DPP6: variants seen among roughly 807,000 people sequenced by gnomAD.
DPP6 encodes the protein dipeptidyl peptidase like 6, also known as A-type potassium channel modulatory protein DPP6.
A neutral mutation model predicts 122.6 loss-of-function variants in DPP6; 69 were observed. That is an observed-to-expected ratio of 0.56 (90% CI 0.46 to 0.69). The LOEUF (loss-of-function observed/expected upper bound fraction) is 0.69. Among genes scored for constraint, DPP6 ranks in the 30% least tolerant of loss-of-function variants. The probability of loss-of-function intolerance (pLI) is 0.00; values close to 1 mark genes in which losing one functional copy is unlikely to be tolerated. For missense variants in DPP6, 928 were observed against 1,116.9 expected (o/e 0.83, Z 2.41); for synonymous variants, 418 against 433.1 (o/e 0.97, Z 0.43).
chr7:154,599,399 G>A (rs1833288769), intron 5 of DPP6, among the ~76,000 whole-genome samples: 1 of 152,128 alleles, frequency 6.6e-6, no homozygotes, highest in Non-Finnish European at 1.5e-5. Context: ...TTTATATGGA[G>A]AAAACGTGGC....
the DPP6 span, among the ~76,000 whole-genome samples, chr7:153,840,430 T>G: frequency 2.6e-5 from 4 of 152,152 alleles, no homozygotes. Flanking sequence ...AATTTGATTT[T>G]GGTACTTGTA....
intron 3 of DPP6, among the ~76,000 whole-genome samples, chr7:154,512,915 TAGAC>T (rs936297618): frequency 1.3e-5 from 2 of 152,216 alleles, no homozygotes. Context: ...GACCATAGAC[TAGAC>T]GATGGCTTTC....
chr7:154,593,425 AC>A (rs1465189228), intron 5 of DPP6, among the ~76,000 whole-genome samples: 1 of 152,228 alleles, frequency 6.6e-6, no homozygotes, highest in Non-Finnish European at 1.5e-5. Flanking sequence ...ATGGGATTTT[AC>A]CTTAAGAGTT....
chr7:153,818,624 G>C, the DPP6 span, among the ~76,000 whole-genome samples: 1 of 151,840 alleles, frequency 6.6e-6, no homozygotes, highest in Admixed American at 6.6e-5. Context: ...TATCTAGCCA[G>C]ATGTAGGTTA....
chr7:154,268,979 C>T (rs1364771156), intron 1 of DPP6, among the ~76,000 whole-genome samples: 1 of 67,258 alleles, frequency 1.5e-5, no homozygotes, highest in Non-Finnish European at 3.3e-5. Context: ...ATTGGTCAGC[C>T]TGGGGGTGAA....
At chr7:154,873,112 C>T (rs905326902) in intron 19 of DPP6, among the ~76,000 whole-genome samples, 4 of 152,218 alleles carry the variant, frequency 2.6e-5, no homozygotes, top group African/African-American at 9.6e-5. Context: ...CGTGAATGCC[C>T]TTTTTTCACC....
intron 1 of DPP6, among the ~76,000 whole-genome samples, chr7:154,257,962 C>T (rs1165615580): frequency 6.6e-6 from 1 of 152,128 alleles, no homozygotes. Context: ...TCTCCTTTGT[C>T]CCCAAATATC....
intron 1 of DPP6, among the ~76,000 whole-genome samples, chr7:154,271,135 G>A (rs773574781): frequency 2.6e-4 from 39 of 152,278 alleles, no homozygotes; most frequent in Non-Finnish European, 5.7e-4. Flanking sequence ...TCATTAATCA[G>A]AGAGAAGACA....
chr7:154,810,370 G>A lies in DPP6; in HGVS notation c.1666+3258G>A, dbSNP rs922410921. Among the ~76,000 whole-genome samples, 5 of 152,194 alleles carry A rather than the reference G, an allele frequency of 3.3e-5. No individual in the cohort carries two copies. In the South Asian group the frequency reaches 1.0e-3, roughly 32 times the overall value. ...AGGGAAGTTCCAGTTCCCACATGGT[G>A]GATGTAAACATGGAGCCCGTGGTAG... On this transcript the variant is annotated intron_variant, in intron 16 of 25. Coordinates refer to ENST00000377770, the MANE Select transcript of DPP6 (RefSeq NM_130797.4).
intron 1 of DPP6, among the ~76,000 whole-genome samples, chr7:154,406,529 A>G (rs919709683): frequency 2.0e-5 from 3 of 152,048 alleles, no homozygotes; most frequent in Admixed American, 1.3e-4. Flanking sequence ...GCACAAATGC[A>G]CACACACACG....
chr7:154,884,301 TAC>T (rs1383267085), intron 21 of DPP6: 2 of 119,790 alleles, frequency 1.7e-5, no homozygotes, highest in Non-Finnish European at 3.3e-5. Flanking sequence ...CATGATTACA[TAC>T]ACCTACTCAC....
chr7:154,521,361 T>G (rs997538927), intron 3 of DPP6, among the ~76,000 whole-genome samples: 4 of 148,108 alleles, frequency 2.7e-5, no homozygotes, highest in African/African-American at 9.7e-5. Flanking sequence ...ATTCTACAAA[T>G]AAATTGTTTT....
At chr7:154,272,416 G>A (rs77791075) in intron 1 of DPP6, among the ~76,000 whole-genome samples, 5,826 of 152,196 alleles carry the variant, frequency 0.038, 206 homozygotes, top group East Asian at 0.15. Flanking sequence ...ACAATCCGAG[G>A]GGAAGCATTT....
At chr7:154,879,938 G>A (rs962352849) in intron 20 of DPP6, among the ~76,000 whole-genome samples, 4 of 152,168 alleles carry the variant, frequency 2.6e-5, no homozygotes, top group African/African-American at 4.8e-5. Flanking sequence ...AATCTCTTCC[G>A]GTTTTCCTCT....
At chr7:154,160,723 G>A (rs1796937748) in intron 1 of DPP6, among the ~76,000 whole-genome samples, 1 of 152,054 alleles carries the variant, frequency 6.6e-6, no homozygotes, top group Admixed American at 6.6e-5. Context: ...ATGTACATTC[G>A]GCTCACTTCC....
chr7:154,059,822 G>C (rs1321545051), intron 1 of DPP6, among the ~76,000 whole-genome samples: 1 of 150,180 alleles, frequency 6.7e-6, no homozygotes, highest in Non-Finnish European at 1.5e-5. Flanking sequence ...CGTAGCCTAC[G>C]TCTCTAAACA....
intron 1 of DPP6, among the ~76,000 whole-genome samples, chr7:154,101,657 G>A (rs1173905463): frequency 6.6e-6 from 1 of 152,050 alleles, no homozygotes; most frequent in Non-Finnish European, 1.5e-5. Context: ...GCTGGGCACA[G>A]TGGCTCATGC....
intron 3 of DPP6, among the ~76,000 whole-genome samples, chr7:154,519,200 G>A (rs1191169529): frequency 6.6e-6 from 1 of 152,100 alleles, no homozygotes; most frequent in Non-Finnish European, 1.5e-5. Flanking sequence ...TCTCTAGTCA[G>A]AGCCAGAGTC....
rs145887336 is a variant in DPP6 at position 153,938,243 on chromosome 7, C to T, written c.51+50509C>T. On this transcript the variant is annotated intron_variant, in intron 1 of 25. Transcript: ENST00000404039. ...GCCTTTCATCTTCGTTCTACTCATG[C>T]GTTTGCCCCAGATGAGCAGGTAAGC... 4.4e-3 allele frequency among the ~76,000 whole-genome samples: 669 copies of T among 152,266 alleles called. 3 individuals carry two copies. Among genetic ancestry groups the T allele is most frequent in the Non-Finnish European group, 7.5e-3 (512 of 68,022 alleles).
Sources: gnomAD v4.1 joint callset for allele counts (sites outside exome capture counted in the v4.1 genomes callset) on GRCh38, gnomAD v4.1.1 for gene constraint, MANE v1.5 for transcripts, NCBI Gene and HGNC (gene_info 2026-07-23, HGNC 2026-07-21) for gene names.